The following PTPRT variants were observed in gnomAD, a reference collection of about 807,000 sequenced individuals.
PTPRT encodes the protein receptor-type tyrosine-protein phosphatase T.
A neutral mutation model predicts 176.8 loss-of-function variants in PTPRT; 56 were observed. The observed-to-expected ratio is 0.32, with a 90% CI of 0.26 to 0.40. The LOEUF (loss-of-function observed/expected upper bound fraction) is 0.40. Among genes scored for constraint, PTPRT ranks in the 10% least tolerant of loss-of-function variants. The probability of loss-of-function intolerance (pLI) is 1.00; values close to 1 mark genes in which losing one functional copy is unlikely to be tolerated. For missense variants in PTPRT, 1,540 were observed against 1,908.2 expected, an observed-to-expected ratio of 0.81 and a Z score of 3.60; for synonymous variants, 783 against 739.0, an observed-to-expected ratio of 1.06 and a Z score of -0.96.
chr20:42,367,918 T>C (rs1232965268), intron 9 of PTPRT, among the ~76,000 whole-genome samples: 1 of 152,156 alleles, frequency 6.6e-6, no homozygotes, highest in East Asian at 1.9e-4. Context: ...TGAGAACTGG[T>C]TGCAGGACTG....
chr20:42,225,728 C>T (rs770136407), intron 15 of PTPRT, among the ~76,000 whole-genome samples: 1 of 152,202 alleles, frequency 6.6e-6, no homozygotes, highest in Non-Finnish European at 1.5e-5. Flanking sequence ...TCTTGGCTCA[C>T]TACAAACCCC....
chr20:42,460,565 T>C (rs1026209914), intron 8 of PTPRT, among the ~76,000 whole-genome samples: 3 of 152,222 alleles, frequency 2.0e-5, no homozygotes, highest in African/African-American at 4.8e-5. Flanking sequence ...TCATCTTGAA[T>C]TGTAATCCCC....
chr20:42,894,321 G>A (rs186137466), intron 1 of PTPRT, among the ~76,000 whole-genome samples: 97 of 152,234 alleles, frequency 6.4e-4, no homozygotes, highest in African/African-American at 2.3e-3. Flanking sequence ...ACAATGCAAG[G>A]TCAAAGAGAC....
At chr20:42,528,261 C>T (rs765573394) in intron 7 of PTPRT, among the ~76,000 whole-genome samples, 1 of 152,050 alleles carries the variant, frequency 6.6e-6, no homozygotes, top group Non-Finnish European at 1.5e-5. Context: ...ATTTGGGTAG[C>T]TTTCACAGGC....
chr20:42,527,303 T>C (rs902447615), intron 7 of PTPRT, among the ~76,000 whole-genome samples: 3 of 152,138 alleles, frequency 2.0e-5, no homozygotes, highest in Non-Finnish European at 2.9e-5. Flanking sequence ...TCCTTGATTC[T>C]CCATGGTGCC....
intron 1 of PTPRT, among the ~76,000 whole-genome samples, chr20:42,973,657 T>C (rs1014127231): frequency 6.6e-6 from 1 of 152,206 alleles, no homozygotes; most frequent in African/African-American, 2.4e-5. Context: ...ATATGAATTA[T>C]TAAACAAACA....
intron 1 of PTPRT, among the ~76,000 whole-genome samples, chr20:43,012,125 G>A (rs923075230): frequency 1.3e-5 from 2 of 152,136 alleles, no homozygotes; most frequent in African/African-American, 4.8e-5. Context: ...ACTTCACCTT[G>A]TGACCATGTG....
intron 17 of PTPRT, among the ~76,000 whole-genome samples, chr20:42,150,814 C>T (rs1226835757): frequency 6.6e-6 from 1 of 151,800 alleles, no homozygotes; most frequent in African/African-American, 2.4e-5. Flanking sequence ...TGATGAAATT[C>T]TCATGTGTCC....
At chr20:42,037,054 A>G in the PTPRT span, among the ~76,000 whole-genome samples, 1 of 152,090 alleles carries the variant, frequency 6.6e-6, no homozygotes, top group Admixed American at 6.5e-5. Flanking sequence ...GCCAGAAGAA[A>G]CGTCTTCTCC....
chr20:42,744,663 T>C (rs1317514583), intron 6 of PTPRT, among the ~76,000 whole-genome samples: 2 of 152,196 alleles, frequency 1.3e-5, no homozygotes, highest in East Asian at 3.8e-4. Flanking sequence ...CACTTCAATA[T>C]TAATAACAGG....
At chr20:42,519,550 A>T (rs1206520454) in intron 7 of PTPRT, among the ~76,000 whole-genome samples, 1 of 152,132 alleles carries the variant, frequency 6.6e-6, no homozygotes, top group Non-Finnish European at 1.5e-5. Context: ...GTTTGGAATT[A>T]AAAAATTACT....
At chr20:42,350,838 G>A (rs758593520) in intron 10 of PTPRT, 108 bp from the exon 11 acceptor site, 58 of 814,762 alleles carry the variant, frequency 7.1e-5, no homozygotes, top group Non-Finnish European at 1.1e-4. Context: ...GAGGGAGGAC[G>A]TTTAGGAAAG....
intron 7 of PTPRT, among the ~76,000 whole-genome samples, chr20:42,520,861 A>G (rs1486976504): frequency 6.7e-6 from 1 of 150,240 alleles, no homozygotes; most frequent in African/African-American, 2.5e-5. Context: ...AGATAGATAG[A>G]TAGATAGATA....
At chr20:42,756,216 CCA>C (rs1270288499) in intron 6 of PTPRT, among the ~76,000 whole-genome samples, 1 of 152,196 alleles carries the variant, frequency 6.6e-6, no homozygotes, top group Non-Finnish European at 1.5e-5. Context: ...GTTATATATT[CCA>C]CAGTCTTTCA....
At chr20:42,541,516 AG>A (rs1337419628) in intron 7 of PTPRT, among the ~76,000 whole-genome samples, 2 of 382 alleles carry the variant, frequency 5.2e-3, no homozygotes, top group Admixed American at 0.071. Flanking sequence ...ACTAGTAAAT[AG>A]TAAATAAGTA....
chr20:42,562,074 A>C (rs1439002358), intron 7 of PTPRT, among the ~76,000 whole-genome samples: 2 of 152,200 alleles, frequency 1.3e-5, no homozygotes, highest in Non-Finnish European at 2.9e-5. Flanking sequence ...CTTCGTCTGT[A>C]AACTAATGTT....
At chr20:42,267,108 A>G (rs1320785381) in intron 13 of PTPRT, among the ~76,000 whole-genome samples, 1 of 152,158 alleles carries the variant, frequency 6.6e-6, no homozygotes, top group African/African-American at 2.4e-5. Flanking sequence ...AGAAAGTAAT[A>G]CCTGTTCAGC....
At chr20:42,899,942 T>C (rs932329592) in intron 1 of PTPRT, among the ~76,000 whole-genome samples, 1 of 152,194 alleles carries the variant, frequency 6.6e-6, no homozygotes, top group Non-Finnish European at 1.5e-5. Context: ...AACTATGTGC[T>C]ATGCACCGTG....
At chr20:42,128,733 C>A in intron 19 of PTPRT, 21 bp downstream of exon 19, 1 of 1,568,692 alleles carries the variant, frequency 6.4e-7, no homozygotes, top group Non-Finnish European at 8.7e-7. Context: ...CCCCAGCCCC[C>A]AGCCCCATTA....
Sources: allele counts gnomAD v4.1 joint callset (sites outside exome capture counted in the v4.1 genomes callset), GRCh38; gene constraint gnomAD v4.1.1; transcripts MANE v1.5; gene names NCBI Gene and HGNC (gene_info 2026-07-23, HGNC 2026-07-21).